TRIM44: variants seen among roughly 807,000 people sequenced by gnomAD.
TRIM44 encodes tripartite motif containing 44.
TRIM44 carries 13 observed loss-of-function variants against 37.4 expected under a neutral mutation model. The observed-to-expected ratio is 0.35, with a 90% CI of 0.23 to 0.55. TRIM44 has a LOEUF of 0.55. Among genes scored for constraint, TRIM44 ranks in the 20% least tolerant of loss-of-function variants. The pLI, the probability that TRIM44 is intolerant of heterozygous loss-of-function variation, is 0.89. For synonymous variants in TRIM44, 175 were observed against 157.2 expected (o/e 1.11, Z -0.85); for missense variants, 426 against 437.2 (o/e 0.97, Z 0.23).
rs57721438 is a variant in TRIM44, at chr11:35,727,285, A to G, written c.987+1122A>G. On this transcript the variant is annotated intron_variant, in intron 3 of 4. Transcript: ENST00000299413. The stretch of plus-strand genomic sequence containing the variant: ...TAGGTTTAGGGTAGGTCCTTCTAGA[A>G]AAAAAACATAGGAGAGTCCTGTGGA... Among the ~76,000 whole-genome samples, 1,022 of 152,330 alleles carry G rather than the reference A, an allele frequency of 6.7e-3. 21 individuals carry two copies. The East Asian group carries it at 0.074, about 11-fold the overall frequency.
intron 1 of TRIM44, among the ~76,000 whole-genome samples, chr11:35,675,600 C>T (rs1851451608): frequency 6.6e-6 from 1 of 152,200 alleles, no homozygotes; most frequent in Non-Finnish European, 1.5e-5. Flanking sequence ...CGGCTCACTG[C>T]AACCTCCGCC....
At chr11:35,738,892 A>G (rs1852357882) in intron 4 of TRIM44, among the ~76,000 whole-genome samples, 1 of 152,150 alleles carries the variant, frequency 6.6e-6, no homozygotes, top group Non-Finnish European at 1.5e-5. Flanking sequence ...CCACTTCTCT[A>G]CTGCCTACAT....
Position 35,808,031 on chromosome 11 carries a change from A to G in TRIM44, c.*1646A>G, listed in dbSNP as rs916093685. ...CTTGCAGGATGGTTTTGAAACAGAA[A>G]CAATACTTGTTTACTGTAGGAATCC... On this transcript the variant is annotated 3_prime_UTR_variant, in exon 5 of 5. Transcript: ENST00000299413. 16 of 152,158 alleles carry G rather than the reference A, an allele frequency of 1.1e-4. No homozygotes were observed. Among genetic ancestry groups the G allele is most frequent in the African/African-American group, 3.9e-4 (16 of 41,500 alleles). The allele number at this position is 152,158 out of a possible 1,614,324, so 9.4% of individuals were successfully genotyped here.
In TRIM44 at chr11:35,663,634, G is replaced by C; in HGVS notation, c.523G>C (p.Ala175Pro). 1 of 1,614,128 alleles carries C rather than the reference G, an allele frequency of 6.2e-7. No individual in the cohort carries two copies. Residue 175 changes from alanine to proline, a missense_variant, in exon 1 of 5, where the codon GCC becomes CCC. Around this residue, in one of 2 missense-constraint regions of TRIM44, gnomAD observed 331 missense variants for 303.0 expected, o/e 1.09. Transcript: ENST00000299413. ...AATAGAAATGGAAGCAGAGAGAGTG[G>C]CCAAGAGGAAGTGTCCGGACCATGG... ...PEIEMEAERV[A>P]KRKCPDHGLD...
chr11:35,816,681 G>A lies in TRIM44; in HGVS notation c.*10296G>A, dbSNP rs1853584521. On this transcript the variant is annotated 3_prime_UTR_variant, in exon 5 of 5. Coordinates refer to ENST00000299413, the MANE Select transcript of TRIM44 (RefSeq NM_017583.6). ...CTTCTGTCTTTGGAAAATGGGACAA[G>A]CTTGCTCCTGATACTAGGTTTTAGA... 6.6e-6 allele frequency: 1 copy of A among 152,218 alleles called. No homozygotes were observed. The highest frequency in any genetic ancestry group is 1.5e-5 in the Non-Finnish European group (1 of 68,040). The allele number at this position is 152,218 out of a possible 1,614,324, so 9.4% of individuals were successfully genotyped here.
chr11:35,709,181 C>T (rs1036449494), intron 2 of TRIM44, among the ~76,000 whole-genome samples: 1 of 152,174 alleles, frequency 6.6e-6, no homozygotes, highest in Non-Finnish European at 1.5e-5. Flanking sequence ...TGTAAATGCA[C>T]TTCAGTGCAT....
At chr11:35,802,865 C>T (rs1006495246) in intron 4 of TRIM44, among the ~76,000 whole-genome samples, 2 of 152,126 alleles carry the variant, frequency 1.3e-5, no homozygotes, top group African/African-American at 2.4e-5. Flanking sequence ...GATACTGTTG[C>T]TCTCCAGATA....
At chr11:35,701,267 T>TC (rs949764633) in intron 2 of TRIM44, among the ~76,000 whole-genome samples, 9 of 152,214 alleles carry the variant, frequency 5.9e-5, no homozygotes, top group African/African-American at 1.9e-4. Flanking sequence ...CTGTTTTTTT[T>TC]CCCCCCGAAA....
chr11:35,663,735 G>A lies in TRIM44; in HGVS notation c.624G>A (p.Gln208=). 1 of 1,614,086 alleles carries A rather than the reference G, an allele frequency of 6.2e-7. No homozygotes were observed. Among genetic ancestry groups the A allele is most frequent in the South Asian group, 1.1e-5 (1 of 91,064 alleles). The change falls in exon 1 of 5, where the codon CAG becomes CAA. Residue 208 remains glutamine, a synonymous_variant. Transcript: ENST00000299413. ...TGTGTCCAGTCATTGGGGCTCACCAGGGCCACCAACTCTCCACCCTAGACG... is the reference window on the plus strand; with the variant it reads ...TGTGTCCAGTCATTGGGGCTCACCAAGGCCACCAACTCTCCACCCTAGACG... ...CVLCPVIGAH[Q]GHQLSTLDEA...
intron 3 of TRIM44, among the ~76,000 whole-genome samples, chr11:35,730,449 A>G (rs1205637307): frequency 6.6e-6 from 1 of 152,222 alleles, no homozygotes; most frequent in Non-Finnish European, 1.5e-5. Flanking sequence ...TAAAATATCT[A>G]AAATTTGGCT....
intron 1 of TRIM44, among the ~76,000 whole-genome samples, chr11:35,675,350 T>C (rs1249777292): frequency 6.6e-6 from 1 of 152,212 alleles, no homozygotes; most frequent in Admixed American, 6.5e-5. Context: ...CCACATGATG[T>C]TTATTTCTCT....
intron 4 of TRIM44, among the ~76,000 whole-genome samples, chr11:35,776,628 A>G (rs1852966972): frequency 1.3e-5 from 2 of 152,164 alleles, no homozygotes; most frequent in South Asian, 4.1e-4. Context: ...ACACTGCTTT[A>G]AATGTGTCCC....
chr11:35,725,240 TC>T (rs915460626), intron 2 of TRIM44, among the ~76,000 whole-genome samples: 9 of 152,206 alleles, frequency 5.9e-5, no homozygotes, highest in African/African-American at 7.2e-5. Context: ...TACTTAATTA[TC>T]TATATACATA....
chr11:35,724,681 A>G (rs1184640394), intron 2 of TRIM44, among the ~76,000 whole-genome samples: 40 of 152,230 alleles, frequency 2.6e-4, no homozygotes, highest in Admixed American at 2.6e-3. Flanking sequence ...CTAAGCATAA[A>G]TATAGCTAGC....
intron 4 of TRIM44, among the ~76,000 whole-genome samples, chr11:35,745,670 C>T (rs1852479020): frequency 6.6e-6 from 1 of 152,188 alleles, no homozygotes; most frequent in Non-Finnish European, 1.5e-5. Context: ...AGTTCACAGT[C>T]ATGAGTGGCT....
At chr11:35,715,228 A>G (rs986627291) in intron 2 of TRIM44, among the ~76,000 whole-genome samples, 1 of 152,182 alleles carries the variant, frequency 6.6e-6, no homozygotes, top group Non-Finnish European at 1.5e-5. Flanking sequence ...CGGCGATGCC[A>G]CAGTCATAGT....
intron 3 of TRIM44, 48 bp downstream of exon 3, chr11:35,726,211 A>T (rs769987594): frequency 1.1e-5 from 18 of 1,600,712 alleles, no homozygotes; most frequent in East Asian, 2.2e-5. Context: ...ATAGGAGGAA[A>T]CTGATGCCAT....
At position 35,805,752 on chromosome 11, in the gene TRIM44, G is replaced by A. The variant is rs188480199; in HGVS notation, c.1008-606G>A. ...TCATGGGTAGAGAGAAGAGTAAATC[G>A]TAAACAAATAAATTATGTAATGTGA... On this transcript the variant is annotated intron_variant, in intron 4 of 4. Transcript: ENST00000299413. 5.3e-5 allele frequency among the ~76,000 whole-genome samples: 8 copies of A among 152,270 alleles called. No individual in the cohort carries two copies. In the East Asian group the frequency reaches 7.7e-4, roughly 15 times the overall value.
chr11:35,728,476 C>G (rs1852213662), intron 3 of TRIM44, among the ~76,000 whole-genome samples: 2 of 152,188 alleles, frequency 1.3e-5, no homozygotes, highest in Admixed American at 1.3e-4. Context: ...GATGCAAGAG[C>G]TGACAAGGCT....
Sources: gnomAD v4.1 joint callset for allele counts (sites outside exome capture counted in the v4.1 genomes callset) on GRCh38, gnomAD v4.1.1 for gene constraint, gnomAD v4.1.1 regional missense constraint, MANE v1.5 for transcripts, NCBI Gene and HGNC (gene_info 2026-07-23, HGNC 2026-07-21) for gene names.